Variants in ENAH observed in about 807,000 individuals in gnomAD.
ENAH encodes the protein ENAH actin regulator.
In ENAH, 23 loss-of-function variants were observed where a neutral mutation model predicts 78.7. The observed-to-expected ratio is 0.29, with a 90% CI of 0.21 to 0.41. ENAH has a LOEUF of 0.41. Among genes scored for constraint, ENAH ranks in the 10% least tolerant of loss-of-function variants. ENAH has a pLI of 1.00. For missense variants in ENAH, 544 were observed against 691.0 expected, an observed-to-expected ratio of 0.79 and a Z score of 2.39; for synonymous variants, 226 against 241.0, an observed-to-expected ratio of 0.94 and a Z score of 0.58.
chr1:225,521,513 C>T (rs543129656), intron 4 of ENAH, among the ~76,000 whole-genome samples: 2 of 151,546 alleles, frequency 1.3e-5, no homozygotes, highest in East Asian at 3.9e-4. Context: ...TGGTGGTGTG[C>T]GCCTGTAATC....
intron 11 of ENAH, 105 bp from the exon 12 acceptor site, chr1:225,501,175 T>C: frequency 1.3e-6 from 1 of 792,106 alleles, no homozygotes; most frequent in Non-Finnish European, 2.0e-6. Context: ...TAAATACATT[T>C]CTTTAAAAAA....
chr1:225,559,165 T>C (rs1002530039), intron 2 of ENAH, among the ~76,000 whole-genome samples: 2 of 152,192 alleles, frequency 1.3e-5, no homozygotes, highest in Non-Finnish European at 2.9e-5. Flanking sequence ...TCAACCAATT[T>C]TTCTTATTTC....
chr1:225,590,598 C>A (rs1575633427), intron 1 of ENAH, among the ~76,000 whole-genome samples: 3 of 152,230 alleles, frequency 2.0e-5, no homozygotes, highest in African/African-American at 7.2e-5. Context: ...TTTCTCCCCC[C>A]CATTCCCTTT....
rs953900472 is a variant in ENAH at position 225,517,115 on chromosome 1, C to G, written c.913+81G>C. 5.2e-5 allele frequency: 62 copies of G among 1,191,990 alleles called. No homozygotes were observed. In the Middle Eastern group the frequency reaches 8.7e-4, roughly 17 times the overall value. The allele number at this position is 1,191,990 out of a possible 1,614,324, so 73.8% of individuals were successfully genotyped here. On this transcript the variant is annotated intron_variant, in intron 6 of 13. Transcript: ENST00000366843. Reference sequence around the variant, plus strand: ...TGTTCAAGGATCAAAACCATCCTACCCATCCATTCAGGCAATTAAAGTCAC... The same window carrying G: ...TGTTCAAGGATCAAAACCATCCTACGCATCCATTCAGGCAATTAAAGTCAC...
chr1:225,503,671 A>AC (rs2096301037), intron 11 of ENAH, among the ~76,000 whole-genome samples: 1 of 150,192 alleles, frequency 6.7e-6, no homozygotes, highest in Admixed American at 6.6e-5. Flanking sequence ...AAAAAAAAAA[A>AC]AAAAAAACAC....
intron 11 of ENAH, among the ~76,000 whole-genome samples, chr1:225,506,634 A>T (rs1055951129): frequency 6.6e-6 from 1 of 152,244 alleles, no homozygotes; most frequent in Non-Finnish European, 1.5e-5. Context: ...CTGAAAACAC[A>T]TGTCCACCAA....
intron 4 of ENAH, among the ~76,000 whole-genome samples, chr1:225,528,840 C>T (rs1213550108): frequency 6.6e-6 from 1 of 152,184 alleles, no homozygotes; most frequent in Non-Finnish European, 1.5e-5. Context: ...ACCTGCTCTA[C>T]GCAGTCTTTC....
At position 225,492,513 on chromosome 1, in the gene ENAH, G is replaced by A. The variant is rs568146830; in HGVS notation, c.*5262C>T. ...AATTCCTGTGTCCTACACCAGAAGC[G>A]TCTACGGGCCCTGCTCTCTGCTCTT... On this transcript the variant is annotated 3_prime_UTR_variant, in exon 14 of 14. Transcript: ENST00000366843. The A allele has an allele frequency of 7.2e-5, 11 of 152,316 alleles. No homozygotes were observed. The East Asian group carries it at 1.2e-3, about 16-fold the overall frequency. The allele number at this position is 152,316 out of a possible 1,614,324, so 9.4% of individuals were successfully genotyped here.
chr1:225,571,832 C>G (rs564219674), intron 1 of ENAH, among the ~76,000 whole-genome samples: 1 of 152,224 alleles, frequency 6.6e-6, no homozygotes, highest in South Asian at 2.1e-4. Context: ...CTGGGAGAGT[C>G]GCACTTGGAA....
intron 4 of ENAH, among the ~76,000 whole-genome samples, chr1:225,525,660 TG>T (rs1021065649): frequency 6.6e-6 from 1 of 152,212 alleles, no homozygotes; most frequent in African/African-American, 2.4e-5. Context: ...TCCTGGATGC[TG>T]TCATGGGTTC....
chr1:225,538,807 A>C (rs909676826), intron 3 of ENAH, among the ~76,000 whole-genome samples: 22 of 152,216 alleles, frequency 1.4e-4, no homozygotes, highest in Non-Finnish European at 2.9e-5. Flanking sequence ...TAGTCGTGAA[A>C]TGAATGGCCC....
chr1:225,619,276 G>GT (rs1393143268), intron 1 of ENAH, among the ~76,000 whole-genome samples: 2 of 151,914 alleles, frequency 1.3e-5, no homozygotes, highest in African/African-American at 4.8e-5. Context: ...ATCACGGTGG[G>GT]TCACGCCTGT....
intron 1 of ENAH, among the ~76,000 whole-genome samples, chr1:225,636,894 AAGAG>A (rs1310551950): frequency 2.1e-5 from 3 of 144,232 alleles, no homozygotes; most frequent in Admixed American, 1.4e-4. Flanking sequence ...AAACTATGAA[AAGAG>A]AGAGACTCAG....
chr1:225,640,768 G>A (rs559910595), intron 1 of ENAH, among the ~76,000 whole-genome samples: 34 of 151,838 alleles, frequency 2.2e-4, no homozygotes, highest in African/African-American at 6.3e-4. Flanking sequence ...CAATAACAGC[G>A]ATTACATTTT....
chr1:225,514,534 A>G, intron 7 of ENAH, 62 bp downstream of exon 7: 1 of 1,189,542 alleles, frequency 8.4e-7, no homozygotes. Context: ...CAATAAATTC[A>G]ACATTTTAGA....
In ENAH at chr1:225,488,944, A is replaced by C. The variant is rs2096210883; in HGVS notation, c.*8831T>G. The stretch of plus-strand genomic sequence containing the variant: ...ATTAAAACCAGGGAACTCGGAAGGA[A>C]TGACTACATGGATATAGATGGATAA... On this transcript the variant is annotated 3_prime_UTR_variant, in exon 14 of 14. Coordinates refer to ENST00000366843, the MANE Select transcript of ENAH (RefSeq NM_018212.6). 6.6e-6 allele frequency: 1 copy of C among 152,268 alleles called. No homozygotes were observed. Among genetic ancestry groups the C allele is most frequent in the South Asian group, 2.1e-4 (1 of 4,836 alleles). The allele number at this position is 152,268 out of a possible 1,614,324, so 9.4% of individuals were successfully genotyped here.
chr1:225,630,580 T>C (rs1043493184), intron 1 of ENAH, among the ~76,000 whole-genome samples: 3 of 152,192 alleles, frequency 2.0e-5, no homozygotes, highest in Non-Finnish European at 4.4e-5. Flanking sequence ...ATGGTTAAAA[T>C]TGTAAATTTT....
At chr1:225,581,404 G>A (rs529594132) in intron 1 of ENAH, 25 of 433,168 alleles carry the variant, frequency 5.8e-5, no homozygotes, top group East Asian at 3.1e-4. Flanking sequence ...TTAGACAGAC[G>A]TGGAAATAAA....
chr1:225,520,036 G>C (rs922746394), intron 4 of ENAH, among the ~76,000 whole-genome samples: 1 of 152,188 alleles, frequency 6.6e-6, no homozygotes, highest in Non-Finnish European at 1.5e-5. Context: ...ACTCACACCT[G>C]TAATCCCAGC....
Sources: gnomAD v4.1 joint callset for allele counts (sites outside exome capture counted in the v4.1 genomes callset) on GRCh38, gnomAD v4.1.1 for gene constraint, MANE v1.5 for transcripts, NCBI Gene and HGNC (gene_info 2026-07-23, HGNC 2026-07-21) for gene names.